ASIC2: variants seen among roughly 807,000 people sequenced by gnomAD.
ASIC2 encodes the protein acid sensing ion channel subunit 2.
ASIC2 carries 25 observed loss-of-function variants against 57.3 expected under a neutral mutation model. The ratio of observed to expected loss-of-function variants is 0.44; its 90% CI spans 0.32 to 0.61. ASIC2 has a LOEUF of 0.61. Ranked by LOEUF, ASIC2 falls within the 20% of genes least tolerant of loss-of-function variation. ASIC2 has a pLI of 0.06. For missense variants in ASIC2, 641 were observed against 738.1 expected, an observed-to-expected ratio of 0.87 and a Z score of 1.52; for synonymous variants, 319 against 307.5, an observed-to-expected ratio of 1.04 and a Z score of -0.39.
intron 3 of ASIC2, among the ~76,000 whole-genome samples, chr17:33,052,621 G>A (rs1358522315): frequency 6.6e-6 from 1 of 152,150 alleles, no homozygotes; most frequent in Non-Finnish European, 1.5e-5. Context: ...TCTACCCAGT[G>A]ACCTCCAGGG....
chr17:33,889,691 G>A (rs941767448), intron 1 of ASIC2, among the ~76,000 whole-genome samples: 8 of 152,188 alleles, frequency 5.3e-5, no homozygotes, highest in Admixed American at 2.6e-4. Context: ...CTTCGTTAGC[G>A]TCCATTGTTA....
intron 1 of ASIC2, among the ~76,000 whole-genome samples, chr17:33,506,519 G>A (rs977326880): frequency 6.6e-6 from 1 of 152,100 alleles, no homozygotes; most frequent in Non-Finnish European, 1.5e-5. Flanking sequence ...CTCTAAGCCT[G>A]CCCTAGGCAT....
At chr17:33,453,709 A>G (rs1378619887) in intron 1 of ASIC2, among the ~76,000 whole-genome samples, 2 of 152,208 alleles carry the variant, frequency 1.3e-5, no homozygotes, top group Non-Finnish European at 2.9e-5. Flanking sequence ...TACCTGTGGG[A>G]CCAGCGCCAC....
At chr17:33,579,745 A>G (rs1293895121) in intron 1 of ASIC2, among the ~76,000 whole-genome samples, 5 of 152,198 alleles carry the variant, frequency 3.3e-5, no homozygotes, top group Admixed American at 6.5e-5. Flanking sequence ...CCCAAACACT[A>G]AACAGCAGCA....
chr17:33,185,576 G>A (rs912888817), intron 1 of ASIC2, among the ~76,000 whole-genome samples: 1 of 152,136 alleles, frequency 6.6e-6, no homozygotes, highest in African/African-American at 2.4e-5. Context: ...CCCTAGCTGA[G>A]CTGGCAGTCT....
chr17:34,008,061 G>A (rs112116954), intron 1 of ASIC2, among the ~76,000 whole-genome samples: 31 of 152,234 alleles, frequency 2.0e-4, no homozygotes, highest in East Asian at 1.7e-3. Flanking sequence ...GCTCATGTGC[G>A]TATGTACAGT....
At position 33,094,434 on chromosome 17, in the gene ASIC2, C is replaced by T. The variant is rs143399460; in HGVS notation, c.860-5444G>A. 5.3e-5 allele frequency among the ~76,000 whole-genome samples: 8 copies of T among 152,306 alleles called. No individual in the cohort carries two copies. The East Asian group carries it at 1.5e-3, about 29-fold the overall frequency. On this transcript the variant is annotated intron_variant, in intron 2 of 9. Transcript: ENST00000225823. ...TCTCCCTGCTACAAGTACCAGGATG[C>T]TGCACTCTCCTGTATTGCTTTTCCA... is the stretch of plus-strand genomic sequence containing the variant.
At chr17:33,516,245 A>G (rs571572528) in intron 1 of ASIC2, among the ~76,000 whole-genome samples, 1 of 152,314 alleles carries the variant, frequency 6.6e-6, no homozygotes, top group African/African-American at 2.4e-5. Flanking sequence ...CCACTCCCAC[A>G]TTGCCTTCCT....
chr17:33,429,484 G>T (rs1911331400), intron 1 of ASIC2, among the ~76,000 whole-genome samples: 1 of 151,972 alleles, frequency 6.6e-6, no homozygotes. Flanking sequence ...TCCATCTCCT[G>T]GGTTCACGCC....
At chr17:33,712,154 G>C (rs1237052277) in intron 1 of ASIC2, among the ~76,000 whole-genome samples, 1 of 152,122 alleles carries the variant, frequency 6.6e-6, no homozygotes, top group Non-Finnish European at 1.5e-5. Flanking sequence ...CTTCTTTCAG[G>C]GGAGTTTCAC....
chr17:34,141,160 T>TTA (rs1555601694), intron 1 of ASIC2, among the ~76,000 whole-genome samples: 2 of 148,338 alleles, frequency 1.3e-5, no homozygotes, highest in African/African-American at 4.9e-5. Flanking sequence ...CTTGAATTAT[T>TTA]AAAAAAAAAA....
intron 1 of ASIC2, among the ~76,000 whole-genome samples, chr17:34,117,129 A>T (rs2142115844): frequency 6.6e-6 from 1 of 152,130 alleles, no homozygotes; most frequent in East Asian, 1.9e-4. Context: ...CCTTCAATTC[A>T]TCAATCTGTC....
intron 1 of ASIC2, among the ~76,000 whole-genome samples, chr17:33,542,104 C>A (rs908807509): frequency 4.0e-5 from 6 of 151,184 alleles, no homozygotes; most frequent in Non-Finnish European, 8.9e-5. Flanking sequence ...TGTGTAGATT[C>A]CAATTAGTGG....
chr17:33,502,516 A>AAAGGGC (rs1465514755), intron 1 of ASIC2, among the ~76,000 whole-genome samples: 2 of 152,236 alleles, frequency 1.3e-5, no homozygotes, highest in South Asian at 2.1e-4. Context: ...AACTCCAGGG[A>AAAGGGC]AAGGGCAAGG....
At chr17:33,388,157 C>A (rs1909759710) in intron 1 of ASIC2, among the ~76,000 whole-genome samples, 1 of 152,180 alleles carries the variant, frequency 6.6e-6, no homozygotes, top group Non-Finnish European at 1.5e-5. Flanking sequence ...GCAATGTGAT[C>A]ACTGAGGCAG....
chr17:33,892,147 T>C (rs1227687524), intron 1 of ASIC2, among the ~76,000 whole-genome samples: 1 of 152,222 alleles, frequency 6.6e-6, no homozygotes, highest in Non-Finnish European at 1.5e-5. Context: ...AACAGAGTTA[T>C]GTTTGTACTC....
At chr17:33,779,371 C>G (rs1209738628) in intron 1 of ASIC2, among the ~76,000 whole-genome samples, 1 of 152,158 alleles carries the variant, frequency 6.6e-6, no homozygotes, top group Non-Finnish European at 1.5e-5. Context: ...AAAAAAATCT[C>G]TGTTTTATTA....
In ASIC2 at chr17:33,021,275, G is replaced by C. The variant is rs1285893744; in HGVS notation, c.1385C>G (p.Ala462Gly). 6.2e-7 allele frequency: 1 copy of C among 1,612,540 alleles called. No homozygotes were observed. Among genetic ancestry groups the C allele is most frequent in the Non-Finnish European group, 8.5e-7 (1 of 1,179,712 alleles). ...CTGTTCAATTGTCTCATAATTGAGA[G>C]CTTCAAAAAATATATCCAGAACAAG... Reference protein sequence around the residue: ...NILVLDIFFEALNYETIEQKK... With the variant: ...NILVLDIFFEGLNYETIEQKK... Residue 462 changes from alanine to glycine, a missense_variant, in exon 7 of 10, where the codon GCT (alanine) becomes GGT (glycine). By Grantham distance (60) the Ala-to-Gly change is moderately conservative (BLOSUM62 0). This residue lies in a region of ASIC2 where 252 missense variants were observed against 319.8 expected (regional missense o/e 0.79). Coordinates refer to ENST00000225823, the MANE Select transcript of ASIC2 (RefSeq NM_183377.2).
At chr17:33,547,732 G>T (rs571481797) in intron 1 of ASIC2, among the ~76,000 whole-genome samples, 5 of 152,092 alleles carry the variant, frequency 3.3e-5, no homozygotes, top group African/African-American at 9.7e-5. Flanking sequence ...TGCTGCCTTC[G>T]CCAGCTTCTG....
Sources: gnomAD v4.1 joint callset for allele counts (sites outside exome capture counted in the v4.1 genomes callset) on GRCh38, gnomAD v4.1.1 for gene constraint, gnomAD v4.1.1 regional missense constraint, MANE v1.5 for transcripts, NCBI Gene and HGNC (gene_info 2026-07-23, HGNC 2026-07-21) for gene names.